Variants in TBXAS1 observed in about 807,000 individuals in gnomAD.
TBXAS1 encodes the protein thromboxane-A synthase.
In TBXAS1, 48 loss-of-function variants were observed where a neutral mutation model predicts 60.7. The observed-to-expected ratio is 0.79, with a 90% CI of 0.63 to 1.01. TBXAS1 has a LOEUF of 1.01. Ranked by LOEUF, TBXAS1 falls within the 50% of genes least tolerant of loss-of-function variation. The pLI is 0.00. For synonymous variants in TBXAS1, 287 were observed against 269.7 expected, an observed-to-expected ratio of 1.06 and a Z score of -0.63; for missense variants, 685 against 686.3, an observed-to-expected ratio of 1.00 and a Z score of 0.02.
At chr7:139,931,949 T>C (rs1435887824) in intron 4 of TBXAS1, among the ~76,000 whole-genome samples, 1 of 151,980 alleles carries the variant, frequency 6.6e-6, no homozygotes, top group Non-Finnish European at 1.5e-5. Flanking sequence ...ATGCGAAAAG[T>C]TCTGTGGAGG....
At chr7:139,868,821 A>G (rs1569504431) in intron 1 of TBXAS1, among the ~76,000 whole-genome samples, 2 of 143,060 alleles carry the variant, frequency 1.4e-5, no homozygotes, top group South Asian at 4.5e-4. Context: ...TACCTTTTGT[A>G]TTTTTTTTTT....
At chr7:140,019,573 C>T (rs995461888) in intron 12 of TBXAS1, among the ~76,000 whole-genome samples, 3 of 152,194 alleles carry the variant, frequency 2.0e-5, no homozygotes, top group Non-Finnish European at 4.4e-5. Flanking sequence ...AGCACTAAGA[C>T]CCTGGTGACT....
chr7:140,015,826 C>A lies in TBXAS1; in HGVS notation c.1330C>A (p.His444Asn), dbSNP rs745935423. ...AVGALHHDPE[H>N]WPSPETFNPE... The stretch of plus-strand genomic sequence containing the variant: ...GGGTGCCCTGCACCATGACCCTGAG[C>A]ACTGGCCAAGCCCGGAGACCTTCAA... The change falls in exon 11 of 13, where the codon CAC becomes AAC. Residue 444 changes from histidine (H) to asparagine (N), a missense_variant. Physicochemically the swap from His to Asn is moderately conservative, Grantham distance 68. Transcript: ENST00000448866. The A allele has an allele frequency of 1.2e-6, 2 of 1,613,734 alleles. No homozygotes were observed. Among genetic ancestry groups the A allele is most frequent in the Non-Finnish European group, 1.7e-6 (2 of 1,180,054 alleles).
intron 4 of TBXAS1, among the ~76,000 whole-genome samples, chr7:139,790,526 C>CAAGGACAGTTGACAA (rs1394757542): frequency 6.6e-6 from 1 of 152,158 alleles, no homozygotes; most frequent in Non-Finnish European, 1.5e-5. Context: ...AGTGATTAGT[C>CAAGGACAGTTGACAA]AAGGACAGTT....
rs766421283 is a variant in TBXAS1 at position 139,955,532 on chromosome 7, CCT to C, written c.614_615del (p.Pro205ArgfsTer41). 5 of 1,614,112 alleles carry C rather than the reference CCT, an allele frequency of 3.1e-6. No individual in the cohort carries two copies. The highest frequency in any genetic ancestry group is 4.2e-6 in the Non-Finnish European group (5 of 1,180,044). ...FGTPVDSWQA[P>X]EDPFVKHCKR... ...CACCCCGGTGGACTCCTGGCAGGCC[CCT>C]GAGGATCCCTTTGTGAAACACTGCA... On this transcript the variant is annotated frameshift_variant, in exon 7 of 13. Transcript: ENST00000448866. LOFTEE classifies it high-confidence loss of function.
In TBXAS1 at chr7:140,007,147, T is replaced by C; in HGVS notation, c.1191T>C (p.Ile397=). The change falls in exon 10 of 13, where the codon ATT becomes ATC. Residue 397 remains isoleucine (I), a synonymous_variant. Coordinates refer to ENST00000448866, the MANE Select transcript of TBXAS1 (RefSeq NM_001061.7). ...EEGLPYLDMV[I]AETLRMYPPA... is the part of the protein sequence containing the mutation. ...GCCTGCCCTATCTGGACATGGTGAT[T>C]GCAGAGACGCTGAGGATGTACCCGC... 1.2e-6 allele frequency: 2 copies of C among 1,614,166 alleles called. No homozygotes were observed. Among genetic ancestry groups the C allele is most frequent in the Non-Finnish European group, 1.7e-6 (2 of 1,180,014 alleles).
intron 3 of TBXAS1, among the ~76,000 whole-genome samples, chr7:139,879,853 TGTGTGTGTGTG>T (rs1802552966): frequency 6.6e-6 from 1 of 150,810 alleles, no homozygotes; most frequent in South Asian, 2.1e-4. Flanking sequence ...TGTGTGTGTG[TGTGTGTGTGTG>T]TGTGTGTGTG....
chr7:139,791,788 A>G (rs1040114129), intron 4 of TBXAS1, among the ~76,000 whole-genome samples: 2 of 146,464 alleles, frequency 1.4e-5, no homozygotes, highest in African/African-American at 5.2e-5. Context: ...CTTTTTCTTT[A>G]CATATCTTTG....
At chr7:139,986,742 TAC>T (rs1176823134) in intron 9 of TBXAS1, among the ~76,000 whole-genome samples, 1,920 of 55,060 alleles carry the variant, frequency 0.035, 107 homozygotes, top group East Asian at 0.12. Context: ...TATATATACA[TAC>T]ATATATATAT....
intron 4 of TBXAS1, among the ~76,000 whole-genome samples, chr7:139,800,694 A>G (rs998029775): frequency 2.6e-5 from 4 of 152,156 alleles, no homozygotes; most frequent in Non-Finnish European, 4.4e-5. Context: ...AGCTATTATA[A>G]TTACTATTTT....
intron 1 of TBXAS1, among the ~76,000 whole-genome samples, chr7:139,859,966 CTA>C (rs1253588154): frequency 1.3e-5 from 2 of 152,106 alleles, no homozygotes; most frequent in Non-Finnish European, 2.9e-5. Context: ...TGGTAAAACC[CTA>C]CCTCTACTAA....
chr7:139,826,878 T>C (rs934930936), upstream of TBXAS1, among the ~76,000 whole-genome samples: 1 of 152,318 alleles, frequency 6.6e-6, no homozygotes, highest in East Asian at 1.9e-4. Flanking sequence ...CAAAACTGAA[T>C]CAGAATTCTT....
rs1811501966 is a variant in TBXAS1, at chr7:139,975,535, G to A, written c.1134+13302G>A. Among the ~76,000 whole-genome samples, 1 of 152,152 alleles carries A rather than the reference G, an allele frequency of 6.6e-6. No homozygotes were observed. The highest frequency in any genetic ancestry group is 2.1e-4 in the South Asian group (1 of 4,824). On this transcript the variant is annotated intron_variant, in intron 9 of 12. Coordinates refer to ENST00000448866, the MANE Select transcript of TBXAS1 (RefSeq NM_001061.7). The surrounding 1 kb of genome is among the most constrained non-coding windows in gnomAD (Gnocchi z 4.4). ...GGGGATTTCAGGGCTGCCTGCTGGGGAGGGAGGCTTGAAGCTGTGTCTGCA... is the reference window on the plus strand; with the variant it reads ...GGGGATTTCAGGGCTGCCTGCTGGGAAGGGAGGCTTGAAGCTGTGTCTGCA...
intron 4 of TBXAS1, among the ~76,000 whole-genome samples, chr7:139,912,743 T>C (rs1157440563): frequency 6.6e-6 from 1 of 152,056 alleles, no homozygotes; most frequent in African/African-American, 2.4e-5. Flanking sequence ...TTAAAGAAAT[T>C]AGAGAAAGTC....
intron 1 of TBXAS1, among the ~76,000 whole-genome samples, chr7:139,850,178 G>A (rs1037309669): frequency 1.3e-5 from 2 of 152,112 alleles, no homozygotes; most frequent in East Asian, 3.9e-4. Context: ...GCTCCTTCTC[G>A]TCCTGCACAT....
chr7:139,951,435 G>A (rs1194323228), intron 5 of TBXAS1, among the ~76,000 whole-genome samples: 3 of 151,562 alleles, frequency 2.0e-5, no homozygotes, highest in Non-Finnish European at 4.4e-5. Context: ...AGGGGTGTAT[G>A]CAAGCCATAT....
At chr7:139,943,384 T>C (rs1394100315) in intron 5 of TBXAS1, among the ~76,000 whole-genome samples, 2 of 152,230 alleles carry the variant, frequency 1.3e-5, no homozygotes, top group Admixed American at 1.3e-4. Context: ...TTAAAATCAC[T>C]ATCATGATGG....
chr7:139,823,565 C>A (rs538087138), intron 4 of TBXAS1, among the ~76,000 whole-genome samples: 1 of 152,230 alleles, frequency 6.6e-6, no homozygotes, highest in African/African-American at 2.4e-5. Context: ...TACCACCCGT[C>A]CTCTTTCTTC....
In TBXAS1 at chr7:139,962,042, C is replaced by T. The variant is rs1427859408; in HGVS notation, c.943C>T (p.Arg315Trp). The T allele has an allele frequency of 4.3e-6, 7 of 1,614,224 alleles. No homozygotes were observed. The South Asian group carries it at 5.5e-5, about 13-fold the overall frequency. ...SSTGCKPNPS[R>W]QHQPSPMARP... The stretch of plus-strand genomic sequence containing the variant: ...TACTGGGTGCAAGCCGAACCCTTCC[C>T]GGCAACACCAGCCCAGCCCTATGGC... Residue 315 changes from arginine to tryptophan, a missense_variant, in exon 9 of 13, where the codon CGG becomes TGG. By Grantham distance (101) the Arg-to-Trp change is moderately radical. Coordinates refer to ENST00000448866, the MANE Select transcript of TBXAS1 (RefSeq NM_001061.7).
Sources: gnomAD v4.1 joint callset for allele counts (sites outside exome capture counted in the v4.1 genomes callset) on GRCh38, gnomAD v4.1.1 for gene constraint, Gnocchi (gnomAD v3.1) non-coding constraint, MANE v1.5 for transcripts, NCBI Gene and HGNC (gene_info 2026-07-23, HGNC 2026-07-21) for gene names.